The following NRP1 variants were observed in gnomAD, a reference collection of about 807,000 sequenced individuals.
The protein encoded by NRP1 is neuropilin 1, also known as neuropilin-1.
In NRP1, 35 loss-of-function variants were observed where a neutral mutation model predicts 106.7. That is an observed-to-expected ratio of 0.33 (90% confidence interval 0.25 to 0.43). The LOEUF (loss-of-function observed/expected upper bound fraction) is 0.43, where lower values mean the gene tolerates loss of function less well. Among genes scored for constraint, NRP1 ranks in the 20% least tolerant of loss-of-function variants. The pLI is 1.00. For missense variants in NRP1, 1,024 were observed against 1,170.4 expected (o/e 0.87, Z 1.83); for synonymous variants, 437 against 417.9 (o/e 1.05, Z -0.56).
intron 8 of NRP1, among the ~76,000 whole-genome samples, chr10:33,217,689 G>C (rs865830103): frequency 2.6e-5 from 4 of 152,142 alleles, no homozygotes; most frequent in African/African-American, 9.7e-5. Context: ...TATTGCATGG[G>C]ACATACTTAT....
chr10:33,253,446 G>A (rs753057113), intron 6 of NRP1, among the ~76,000 whole-genome samples: 4 of 152,178 alleles, frequency 2.6e-5, no homozygotes, highest in Non-Finnish European at 5.9e-5. Flanking sequence ...TACATTTCAT[G>A]CCTAAACATG....
Position 33,270,815 on chromosome 10 carries a change from C to A in NRP1, c.290G>T (p.Gly97Val), listed in dbSNP as rs759268484. ...TCCACAGAACTTTCCCCTAAAATGTCCATTTTCATTTTCTCCATCGAAGAC... is the reference window on the plus strand; with the variant it reads ...TCCACAGAACTTTCCCCTAAAATGTACATTTTCATTTTCTCCATCGAAGAC... ...VEVFDGENEN[G>V]HFRGKFCGKI... Residue 97 changes from glycine to valine, a missense_variant, in exon 3 of 17, where the codon GGA becomes GTA. Physicochemically the swap from Gly to Val is moderately radical, Grantham distance 109. Coordinates refer to ENST00000374867, the MANE Select transcript of NRP1 (RefSeq NM_003873.7). The A allele has an allele frequency of 1.9e-6, 3 of 1,613,110 alleles. No homozygotes were observed. Among genetic ancestry groups the A allele is most frequent in the East Asian group, 2.2e-5 (1 of 44,874 alleles).
chr10:33,284,654 T>C, intron 2 of NRP1, among the ~76,000 whole-genome samples: 1 of 152,252 alleles, frequency 6.6e-6, no homozygotes, highest in East Asian at 1.9e-4. Flanking sequence ...ACTCCCTTTT[T>C]CTTATTAGTC....
At chr10:33,232,380 A>C (rs932213586) in intron 6 of NRP1, among the ~76,000 whole-genome samples, 4 of 152,148 alleles carry the variant, frequency 2.6e-5, no homozygotes, top group African/African-American at 9.7e-5. Context: ...TTTATTTTTA[A>C]TTAGAAGATG....
chr10:33,330,965 A>G (rs1431926132), intron 1 of NRP1, 83 bp from the exon 2 acceptor site: 1 of 1,254,324 alleles, frequency 8.0e-7, no homozygotes, highest in Non-Finnish European at 1.1e-6. Flanking sequence ...ACTGGTTATT[A>G]AACATTCCTT....
chr10:33,192,513 C>A lies in NRP1; in HGVS notation c.1925-95G>T, dbSNP rs968269411. 6.1e-6 allele frequency: 8 copies of A among 1,305,202 alleles called. No homozygotes were observed. In the East Asian group the frequency reaches 1.9e-4, roughly 31 times the overall value. 80.9% of individuals were successfully genotyped at this position (1,305,202 alleles called of 1,614,324 possible). A position where few individuals can be genotyped will look rare whatever the true frequency, so the allele number is the denominator to read the frequency against. ...AGGCCCTTGGTTCACTCATGGAAAG[C>A]ACGATTTATACAACTTTATGTCTGT... On this transcript the variant is annotated intron_variant, in intron 12 of 16. Transcript: ENST00000374867.
chr10:33,197,487 A>G (rs1302249741), intron 12 of NRP1, 163 bp downstream of exon 12: 2 of 486,648 alleles, frequency 4.1e-6, no homozygotes, highest in Non-Finnish European at 7.4e-6. Flanking sequence ...CTGCATATAC[A>G]TGTGGATGAA....
intron 2 of NRP1, among the ~76,000 whole-genome samples, chr10:33,313,123 A>G (rs1417134900): frequency 6.6e-6 from 1 of 152,250 alleles, no homozygotes. Context: ...GCATCTGTTC[A>G]TGGGTAAGAC....
chr10:33,217,941 C>T (rs986392347), intron 8 of NRP1, among the ~76,000 whole-genome samples: 7 of 152,240 alleles, frequency 4.6e-5, no homozygotes, highest in African/African-American at 7.2e-5. Flanking sequence ...CAATTTCCAA[C>T]GAATGAGAAA....
At chr10:33,189,282 A>T (rs1480581183) in intron 13 of NRP1, among the ~76,000 whole-genome samples, 1 of 152,088 alleles carries the variant, frequency 6.6e-6, no homozygotes, top group African/African-American at 2.4e-5. Context: ...AGTCATGCAC[A>T]CTCTGCCTCT....
chr10:33,246,738 T>C (rs2133114880), intron 6 of NRP1, among the ~76,000 whole-genome samples: 2 of 152,340 alleles, frequency 1.3e-5, no homozygotes, highest in Middle Eastern at 6.8e-3. Context: ...GTTCTCTACT[T>C]ACAGATTTAT....
At chr10:33,228,373 C>T (rs1199688950) in intron 6 of NRP1, among the ~76,000 whole-genome samples, 4 of 151,974 alleles carry the variant, frequency 2.6e-5, no homozygotes, top group Non-Finnish European at 5.9e-5. Context: ...GAAACTCTGA[C>T]TCGAAAAATA....
chr10:33,242,848 T>TTTCTTCATA (rs1343242567), intron 6 of NRP1, among the ~76,000 whole-genome samples: 1 of 152,006 alleles, frequency 6.6e-6, no homozygotes, highest in Non-Finnish European at 1.5e-5. Context: ...GTATAATGAG[T>TTTCTTCATA]TTCTTCATAC....
intron 6 of NRP1, among the ~76,000 whole-genome samples, chr10:33,236,569 T>C (rs1158686037): frequency 4.6e-5 from 7 of 152,226 alleles, no homozygotes; most frequent in Non-Finnish European, 1.0e-4. Flanking sequence ...GGTTCAGTGC[T>C]GCTGATCTGG....
intron 9 of NRP1, chr10:33,213,028 G>T (rs531530043): frequency 7.2e-6 from 4 of 556,748 alleles, no homozygotes; most frequent in African/African-American, 3.7e-5. Flanking sequence ...GTTTGAGATG[G>T]GGGGAGGGCA....
chr10:33,222,427 T>A (rs1196506205), intron 7 of NRP1, among the ~76,000 whole-genome samples: 1 of 152,196 alleles, frequency 6.6e-6, no homozygotes, highest in Non-Finnish European at 1.5e-5. Context: ...TATGTTTTAG[T>A]GGTCAAAGTC....
At chr10:33,321,716 G>A (rs1280088020) in intron 2 of NRP1, among the ~76,000 whole-genome samples, 1 of 152,176 alleles carries the variant, frequency 6.6e-6, no homozygotes, top group African/African-American at 2.4e-5. Flanking sequence ...AGTTAAGAGA[G>A]TCAGACAAGG....
intron 10 of NRP1, among the ~76,000 whole-genome samples, chr10:33,203,403 C>A (rs1247301695): frequency 6.6e-6 from 1 of 152,042 alleles, no homozygotes; most frequent in East Asian, 1.9e-4. Context: ...GTCATAAATT[C>A]TTTTATATTC....
chr10:33,307,075 C>G (rs926629780), intron 2 of NRP1, among the ~76,000 whole-genome samples: 1 of 152,138 alleles, frequency 6.6e-6, no homozygotes, highest in Non-Finnish European at 1.5e-5. Flanking sequence ...GTTTCCAAAT[C>G]GCTTTGCAAC....
Sources: gnomAD v4.1 joint callset for allele counts (sites outside exome capture counted in the v4.1 genomes callset) on GRCh38, gnomAD v4.1.1 for gene constraint, MANE v1.5 for transcripts, NCBI Gene and HGNC (gene_info 2026-07-23, HGNC 2026-07-21) for gene names.